UTP18: variants seen among roughly 807,000 people sequenced by gnomAD.
UTP18 encodes the protein UTP18 small subunit processome component, also known as U3 small nucleolar RNA-associated protein 18 homolog.
UTP18 carries 36 observed loss-of-function variants against 61.1 expected under a neutral mutation model. That is an observed-to-expected ratio of 0.59 (90% CI 0.45 to 0.78). The LOEUF is 0.78. Ranked by LOEUF, UTP18 falls within the 30% of genes least tolerant of loss-of-function variation. The pLI is 0.00. For missense variants in UTP18, 753 were observed against 693.9 expected, an observed-to-expected ratio of 1.09 and a Z score of -0.96; for synonymous variants, 282 against 251.1, an observed-to-expected ratio of 1.12 and a Z score of -1.16.
chr17:51,293,322 A>G (rs1905280141), intron 11 of UTP18, among the ~76,000 whole-genome samples: 1 of 152,188 alleles, frequency 6.6e-6, no homozygotes, highest in South Asian at 2.1e-4. Flanking sequence ...GTGTGTACAC[A>G]TGGACACAGT....
At chr17:51,277,600 C>CATG (rs757791298) in intron 7 of UTP18, among the ~76,000 whole-genome samples, 14 of 152,136 alleles carry the variant, frequency 9.2e-5, no homozygotes, top group Non-Finnish European at 1.6e-4. Context: ...GCAGAAAAAG[C>CATG]ATGAGCCATG....
intron 12 of UTP18, among the ~76,000 whole-genome samples, chr17:51,294,417 T>G (rs914494356): frequency 4.0e-4 from 60 of 148,996 alleles, no homozygotes; most frequent in African/African-American, 1.4e-3. Context: ...TTCTCATTGT[T>G]CAATTCCCAC....
At chr17:51,261,404 C>G (rs1285761014) in intron 1 of UTP18, among the ~76,000 whole-genome samples, 5 of 152,244 alleles carry the variant, frequency 3.3e-5, no homozygotes, top group African/African-American at 1.2e-4. Context: ...GTATTCCGTT[C>G]ATTTAGCAAA....
intron 4 of UTP18, among the ~76,000 whole-genome samples, chr17:51,271,933 A>G (rs1249221976): frequency 6.6e-6 from 1 of 151,608 alleles, no homozygotes; most frequent in Non-Finnish European, 1.5e-5. Context: ...CTCCCAAAGT[A>G]CTGGAATTAC....
Position 51,275,875 on chromosome 17 carries a change from T to C in UTP18, c.721T>C (p.Cys241Arg). The stretch of plus-strand genomic sequence containing the variant: ...CTTTCATTTCCTATAGATGAAGAAC[T>C]GCCAGCATGCGAATGCTGAACGTCC... ...LPRGILKMKN[C>R]QHANAERPTV... is the part of the protein sequence containing the mutation. Residue 241 changes from cysteine to arginine, a missense_variant, in exon 6 of 14, where the codon TGC becomes CGC. Coordinates refer to ENST00000225298, the MANE Select transcript of UTP18 (RefSeq NM_016001.3). The C allele has an allele frequency of 6.2e-7, 1 of 1,601,724 alleles. No homozygotes were observed. The highest frequency in any genetic ancestry group is 8.5e-7 in the Non-Finnish European group (1 of 1,176,400).
intron 10 of UTP18, chr17:51,286,625 T>C: frequency 2.2e-6 from 1 of 454,826 alleles, no homozygotes; most frequent in Non-Finnish European, 4.4e-6. Flanking sequence ...AACAGATCCC[T>C]TGGAGGGAGA....
intron 9 of UTP18, among the ~76,000 whole-genome samples, chr17:51,281,164 A>ATATATATATT (rs59857038): frequency 7.1e-6 from 1 of 140,436 alleles, no homozygotes; most frequent in African/African-American, 2.7e-5. Flanking sequence ...ATATATATAT[A>ATATATATATT]TTTTTTTTAA....
chr17:51,280,320 T>C (rs1904869920), intron 8 of UTP18, 69 bp from the exon 9 acceptor site: 12 of 1,542,958 alleles, frequency 7.8e-6, no homozygotes, highest in Non-Finnish European at 1.1e-5. Flanking sequence ...CTAGGTTGTT[T>C]TTACTCTACA....
At chr17:51,295,027 T>C (rs908622842) in intron 12 of UTP18, among the ~76,000 whole-genome samples, 12 of 152,018 alleles carry the variant, frequency 7.9e-5, no homozygotes, top group Non-Finnish European at 1.0e-4. Flanking sequence ...GTTCATATCC[T>C]TCGCCCACTT....
In UTP18 at chr17:51,284,770, A is replaced by G. The variant is rs1344475752; in HGVS notation, c.1205-475A>G. Among the ~76,000 whole-genome samples the G allele has an allele frequency of 4.6e-5, 7 of 152,190 alleles. No individual in the cohort carries two copies. The East Asian group carries it at 1.2e-3, about 25-fold the overall frequency. On this transcript the variant is annotated intron_variant, in intron 9 of 13. Transcript: ENST00000225298. The stretch of plus-strand genomic sequence containing the variant: ...TTGTATATGTGAATGTATACAAGAA[A>G]TATTCTTAGGCCGGGCATGGTGGCT...
At chr17:51,293,615 C>T (rs1241569797) in intron 11 of UTP18, among the ~76,000 whole-genome samples, 1 of 152,010 alleles carries the variant, frequency 6.6e-6, no homozygotes, top group Admixed American at 6.6e-5. Flanking sequence ...TTGGACACCC[C>T]TGTCCACCAT....
chr17:51,285,335 C>G lies in UTP18; in HGVS notation c.1295C>G (p.Ala432Gly). ...DEGSLYGLSI[A>G]TSRNGQYVAC... ...GGCAGTTTATATGGATTAAGCATTGCCACATCTAGGAATGGACAGTATGTT... is the reference window on the plus strand; with the variant it reads ...GGCAGTTTATATGGATTAAGCATTGGCACATCTAGGAATGGACAGTATGTT... Residue 432 changes from alanine to glycine, a missense_variant, in exon 10 of 14, where the codon GCC becomes GGC. Ala to Gly is a moderately conservative substitution (Grantham distance 60). Coordinates refer to ENST00000225298, the MANE Select transcript of UTP18 (RefSeq NM_016001.3). The G allele has an allele frequency of 1.9e-6, 3 of 1,613,694 alleles. No homozygotes were observed. The highest frequency in any genetic ancestry group is 2.5e-6 in the Non-Finnish European group (3 of 1,179,764).
intron 11 of UTP18, among the ~76,000 whole-genome samples, chr17:51,293,560 C>T (rs1905285724): frequency 6.6e-6 from 1 of 150,840 alleles, no homozygotes; most frequent in Non-Finnish European, 1.5e-5. Flanking sequence ...TTATGTGTGG[C>T]CCAAGACAAT....
chr17:51,269,004 T>G, intron 4 of UTP18, 100 bp downstream of exon 4: 6 of 1,255,844 alleles, frequency 4.8e-6, no homozygotes, highest in Non-Finnish European at 6.8e-6. Context: ...CTGGCATTTC[T>G]TGCCTGGCTC....
At chr17:51,286,984 C>CT (rs974788926) in intron 10 of UTP18, among the ~76,000 whole-genome samples, 7 of 145,062 alleles carry the variant, frequency 4.8e-5, no homozygotes, top group East Asian at 4.0e-4. Context: ...CCCTTCCCCC[C>CT]CCGACCCACA....
chr17:51,297,489 C>T (rs1442195411), intron 13 of UTP18, among the ~76,000 whole-genome samples: 1 of 152,184 alleles, frequency 6.6e-6, no homozygotes, highest in African/African-American at 2.4e-5. Context: ...TCATGGTGTC[C>T]TTTCAGGCCT....
At position 51,260,927 on chromosome 17, in the gene UTP18, G is replaced by T; in HGVS notation, c.342+1G>T. On this transcript the variant is annotated splice_donor_variant, in intron 1 of 13. Transcript: ENST00000225298. LOFTEE classifies it high-confidence loss of function. ...GCTGCGGCGTCTGCGAGGCCCGAGGGTGAGGGAGGCCGCGGCGCGCGGGCT... is the reference window on the plus strand; with the variant it reads ...GCTGCGGCGTCTGCGAGGCCCGAGGTTGAGGGAGGCCGCGGCGCGCGGGCT... 6.4e-7 allele frequency: 1 copy of T among 1,554,122 alleles called. No individual in the cohort carries two copies. Among genetic ancestry groups the T allele is most frequent in the South Asian group, 1.2e-5 (1 of 85,068 alleles).
chr17:51,264,097 T>C (rs1467789517), intron 2 of UTP18, among the ~76,000 whole-genome samples: 1 of 151,632 alleles, frequency 6.6e-6, no homozygotes, highest in East Asian at 1.9e-4. Flanking sequence ...AGTGCAGTGG[T>C]GCGATCTTGG....
chr17:51,278,439 C>G (rs1432599110), intron 7 of UTP18, among the ~76,000 whole-genome samples: 2 of 152,242 alleles, frequency 1.3e-5, no homozygotes, highest in African/African-American at 4.8e-5. Context: ...TGGATTCTGG[C>G]ATCTCCTTGT....
Sources: allele counts gnomAD v4.1 joint callset (sites outside exome capture counted in the v4.1 genomes callset), GRCh38; gene constraint gnomAD v4.1.1; transcripts MANE v1.5; gene names NCBI Gene and HGNC (gene_info 2026-07-23, HGNC 2026-07-21).